The following FAM169A variants were observed in gnomAD, a reference collection of about 807,000 sequenced individuals.
The protein encoded by FAM169A is soluble lamin-associated protein of 75 kDa.
In FAM169A, 24 loss-of-function variants were observed where a neutral mutation model predicts 75.7. That is an observed-to-expected ratio of 0.32 (90% CI 0.23 to 0.45). FAM169A has a LOEUF of 0.45. Among genes scored for constraint, FAM169A ranks in the 20% least tolerant of loss-of-function variants. FAM169A has a pLI of 1.00. For missense variants in FAM169A, 673 were observed against 784.0 expected, an observed-to-expected ratio of 0.86 and a Z score of 1.69; for synonymous variants, 271 against 271.0, an observed-to-expected ratio of 1.00 and a Z score of 0.00.
rs374154016 is a variant in FAM169A at position 74,787,867 on chromosome 5, G to A, written c.1261-4733C>T. On this transcript the variant is annotated intron_variant, in intron 11 of 12. Coordinates refer to ENST00000687041, the MANE Select transcript of FAM169A (RefSeq NM_001376049.1). ...AAACTTCCAGGTCGAGTGGACAAAA[G>A]ACTAATCTGAATTATTAAAAAAAAG... is the stretch of plus-strand genomic sequence containing the variant. Among the ~76,000 whole-genome samples, 3 of 149,992 alleles carry A rather than the reference G, an allele frequency of 2.0e-5. No homozygotes were observed. The East Asian group carries it at 5.8e-4, about 29-fold the overall frequency.
At chr5:74,821,822 A>G (rs1356635996) in intron 5 of FAM169A, among the ~76,000 whole-genome samples, 1 of 152,120 alleles carries the variant, frequency 6.6e-6, no homozygotes, top group Non-Finnish European at 1.5e-5. Flanking sequence ...TTTATTTCCT[A>G]TTTATCACAA....
chr5:74,784,510 C>CA (rs200414695), intron 11 of FAM169A, among the ~76,000 whole-genome samples: 1,143 of 29,810 alleles, frequency 0.038, 122 homozygotes, highest in Middle Eastern at 0.048. Flanking sequence ...GACTCCGTCT[C>CA]AAAAAAAAAA....
intron 1 of FAM169A, among the ~76,000 whole-genome samples, chr5:74,843,391 A>G (rs1748984321): frequency 6.6e-6 from 1 of 152,208 alleles, no homozygotes; most frequent in African/African-American, 2.4e-5. Flanking sequence ...GAAAGAACAG[A>G]CAAGCAAAAA....
chr5:74,838,861 CTGATT>C, intron 4 of FAM169A, 99 bp downstream of exon 4: 1 of 830,952 alleles, frequency 1.2e-6, no homozygotes, highest in African/African-American at 1.7e-5. Context: ...TTAATATAAC[CTGATT>C]ATTTTTAAAT....
At position 74,840,626 on chromosome 5, in the gene FAM169A, G is replaced by A. The variant is rs557978853; in HGVS notation, c.133-453C>T. ...GGGCGGATCACAAGGTCAGGAGATC[G>A]AGACCATCCTGGCTAACACAGTGAA... On this transcript the variant is annotated intron_variant, in intron 2 of 12. Coordinates refer to ENST00000687041, the MANE Select transcript of FAM169A (RefSeq NM_001376049.1). Among the ~76,000 whole-genome samples, 454 of 150,910 alleles carry A rather than the reference G, an allele frequency of 3.0e-3. 2 individuals carry two copies. Among genetic ancestry groups the A allele is most frequent in the African/African-American group, 0.011 (434 of 41,126 alleles).
chr5:74,832,545 T>C (rs1020330653), intron 5 of FAM169A, among the ~76,000 whole-genome samples: 2 of 151,098 alleles, frequency 1.3e-5, no homozygotes, highest in African/African-American at 4.8e-5. Context: ...TTTTATCTTT[T>C]TGCTACTAGT....
chr5:74,847,700 T>C (rs975222452), intron 1 of FAM169A, among the ~76,000 whole-genome samples: 24 of 152,290 alleles, frequency 1.6e-4, no homozygotes, highest in African/African-American at 5.5e-4. Flanking sequence ...CACAGCACTA[T>C]ACAAAAACAC....
At chr5:74,832,012 T>C (rs886619691) in intron 5 of FAM169A, among the ~76,000 whole-genome samples, 18 of 152,126 alleles carry the variant, frequency 1.2e-4, no homozygotes, top group African/African-American at 4.1e-4. Context: ...ATTTTACCAA[T>C]AAATTAAGAT....
chr5:74,837,407 C>G (rs1411376810), intron 4 of FAM169A, among the ~76,000 whole-genome samples: 1 of 152,096 alleles, frequency 6.6e-6, no homozygotes. Context: ...AGCAGATGGG[C>G]CTACCACTTT....
At position 74,800,075 on chromosome 5, in the gene FAM169A, T is replaced by G. The variant is rs1321432376; in HGVS notation, c.1103+805A>C. The G allele has an allele frequency of 1.0e-5, 7 of 688,816 alleles. No individual in the cohort carries two copies. The Admixed American group carries it at 1.3e-4, about 13-fold the overall frequency. The allele number at this position is 688,816 out of a possible 1,614,324, so 42.7% of individuals were successfully genotyped here. On this transcript the variant is annotated intron_variant, in intron 10 of 12. Transcript: ENST00000687041. ...GACAATTTGGGATTTCAAGGATAAT[T>G]TGAAGCTGAGTGAGCCTCCGCCATC...
At chr5:74,833,085 C>T (rs1048254087) in intron 5 of FAM169A, among the ~76,000 whole-genome samples, 7 of 151,970 alleles carry the variant, frequency 4.6e-5, no homozygotes, top group Admixed American at 3.9e-4. Flanking sequence ...GAAGGCTGTG[C>T]CTTTGTGTGT....
intron 1 of FAM169A, among the ~76,000 whole-genome samples, chr5:74,853,674 A>G (rs1749558704): frequency 6.8e-6 from 1 of 147,968 alleles, no homozygotes; most frequent in South Asian, 2.2e-4. Context: ...GACTTTCTAT[A>G]TCTAATCACT....
At position 74,796,041 on chromosome 5, in the gene FAM169A, C is replaced by T. The variant is rs539857601; in HGVS notation, c.1249G>A (p.Asp417Asn). 6 of 1,612,774 alleles carry T rather than the reference C, an allele frequency of 3.7e-6. No homozygotes were observed. In the African/African-American group the frequency reaches 8.0e-5, roughly 22 times the overall value. ...AAGTGATCTCATACCTTTTCACCAT[C>T]TTGCTTCTCTTGCTGTGGCTGGGTT... ...LETQPQQEKQ[D>N]GEKESELEPM... Residue 417 changes from aspartate (D) to asparagine (N), a missense_variant, in exon 11 of 13, where the codon GAT (aspartate) becomes AAT (asparagine). Transcript: ENST00000687041.
intron 1 of FAM169A, among the ~76,000 whole-genome samples, chr5:74,856,250 G>C (rs1457216290): frequency 6.6e-6 from 1 of 152,116 alleles, no homozygotes; most frequent in Non-Finnish European, 1.5e-5. Context: ...ACTCAGGATA[G>C]CTTTGGCTAT....
At chr5:74,838,364 A>G (rs1307298659) in intron 4 of FAM169A, among the ~76,000 whole-genome samples, 1 of 152,004 alleles carries the variant, frequency 6.6e-6, no homozygotes, top group Non-Finnish European at 1.5e-5. Flanking sequence ...CTCCTCAAAT[A>G]TGTTACATCT....
rs1287790117 is a variant in FAM169A at position 74,823,324 on chromosome 5, T to C, written c.491-9305A>G. ...TGCATATATTTATATTCCATTCATG[T>C]TTACCAAGAATGTTCTTTCCCTTCC... On this transcript the variant is annotated intron_variant, in intron 5 of 12. Coordinates refer to ENST00000687041, the MANE Select transcript of FAM169A (RefSeq NM_001376049.1). Among the ~76,000 whole-genome samples, 3 of 152,294 alleles carry C rather than the reference T, an allele frequency of 2.0e-5. No homozygotes were observed. In the East Asian group the frequency reaches 5.8e-4, roughly 29 times the overall value.
intron 11 of FAM169A, among the ~76,000 whole-genome samples, chr5:74,784,338 G>A (rs1254226149): frequency 3.3e-5 from 5 of 151,148 alleles, no homozygotes; most frequent in Non-Finnish European, 7.4e-5. Context: ...GGTGAAACCC[G>A]CTCTCTACTA....
At chr5:74,846,744 AT>A (rs1348840841) in intron 1 of FAM169A, among the ~76,000 whole-genome samples, 2 of 152,126 alleles carry the variant, frequency 1.3e-5, no homozygotes, top group Non-Finnish European at 2.9e-5. Flanking sequence ...TGTATTTTTT[AT>A]AGAGATGAGG....
chr5:74,813,865 A>G lies in FAM169A; in HGVS notation c.645T>C (p.Tyr215=). Reference sequence around the variant, plus strand: ...CTGTATACATGAGAGAAGACAGTGGATACCGCAAGCCAAGCGCATCTTCTG... The same window carrying G: ...CTGTATACATGAGAGAAGACAGTGGGTACCGCAAGCCAAGCGCATCTTCTG... ...SFTEDALGLR[Y]PLSSLMYTAC... The change falls in exon 6 of 13, where the codon TAT becomes TAC. Residue 215 remains tyrosine, a synonymous_variant. Coordinates refer to ENST00000687041, the MANE Select transcript of FAM169A (RefSeq NM_001376049.1). 6.3e-7 allele frequency: 1 copy of G among 1,591,362 alleles called. No individual in the cohort carries two copies. The highest frequency in any genetic ancestry group is 1.7e-4 in the Middle Eastern group (1 of 5,964).
Sources: allele counts gnomAD v4.1 joint callset (sites outside exome capture counted in the v4.1 genomes callset), GRCh38; gene constraint gnomAD v4.1.1; transcripts MANE v1.5; gene names NCBI Gene and HGNC (gene_info 2026-07-23, HGNC 2026-07-21).